PREX2: variants seen among roughly 807,000 people sequenced by gnomAD.
PREX2 encodes the protein phosphatidylinositol-3,4,5-trisphosphate dependent Rac exchange factor 2, also known as phosphatidylinositol 3,4,5-trisphosphate-dependent Rac exchanger 2 protein.
In PREX2, 107 loss-of-function variants were observed where a neutral mutation model predicts 203.2. The ratio of observed to expected loss-of-function variants is 0.53; its 90% CI spans 0.45 to 0.62. The LOEUF (loss-of-function observed/expected upper bound fraction) is 0.62. PREX2 is among the 20% of genes least tolerant of loss of function. The probability of loss-of-function intolerance (pLI) is 0.00; values close to 1 mark genes in which losing one functional copy is unlikely to be tolerated. For synonymous variants in PREX2, 672 were observed against 663.6 expected (o/e 1.01, Z -0.19); for missense variants, 1,777 against 1,955.9 (o/e 0.91, Z 1.72).
chr8:68,111,157 G>T, intron 25 of PREX2: 1 of 201,882 alleles, frequency 5.0e-6, no homozygotes, highest in South Asian at 7.1e-5. Flanking sequence ...TATTAATAAG[G>T]CAATAAATAG....
chr8:67,988,031 A>G (rs1806487400), intron 1 of PREX2, among the ~76,000 whole-genome samples: 1 of 152,188 alleles, frequency 6.6e-6, no homozygotes, highest in Non-Finnish European at 1.5e-5. Context: ...AACCCGTTTC[A>G]TTTTTGTTCC....
intron 8 of PREX2, among the ~76,000 whole-genome samples, chr8:68,051,968 A>G (rs962025386): frequency 6.6e-6 from 1 of 152,160 alleles, no homozygotes; most frequent in Non-Finnish European, 1.5e-5. Flanking sequence ...TATTAGTCTG[A>G]CCTCATATAA....
intron 21 of PREX2, among the ~76,000 whole-genome samples, chr8:68,096,442 A>G (rs1563543140): frequency 1.3e-5 from 2 of 152,162 alleles, no homozygotes; most frequent in East Asian, 3.9e-4. Flanking sequence ...GACGTACCAT[A>G]TGTAGGCTAA....
intron 33 of PREX2, among the ~76,000 whole-genome samples, chr8:68,143,221 T>C (rs898862397): frequency 1.3e-5 from 2 of 152,008 alleles, no homozygotes; most frequent in Non-Finnish European, 2.9e-5. Context: ...GTGGAGGTGA[T>C]TGGATCATGG....
intron 35 of PREX2, among the ~76,000 whole-genome samples, chr8:68,175,696 A>G (rs189867160): frequency 6.6e-6 from 1 of 152,256 alleles, no homozygotes; most frequent in Admixed American, 6.5e-5. Flanking sequence ...TCCTCATGCA[A>G]TATTTCACAT....
rs142017900 is a variant in PREX2 at position 67,973,516 on chromosome 8, T to C, written c.141+20981T>C. ...CTTGAATATCTTTTCTTCTTTCTTC[T>C]TGAATATCCATACTCAGGATCCAAT... On this transcript the variant is annotated intron_variant, in intron 1 of 39. Coordinates refer to ENST00000288368, the MANE Select transcript of PREX2 (RefSeq NM_024870.4). 1.6e-4 allele frequency among the ~76,000 whole-genome samples: 24 copies of C among 152,328 alleles called. No individual in the cohort carries two copies. In the East Asian group the frequency reaches 4.2e-3, roughly 27 times the overall value.
At chr8:68,202,400 ACT>A (rs1281724215) in intron 37 of PREX2, among the ~76,000 whole-genome samples, 1 of 151,904 alleles carries the variant, frequency 6.6e-6, no homozygotes, top group Non-Finnish European at 1.5e-5. Context: ...AGGATTTGTG[ACT>A]CTCTCCTGGA....
chr8:68,000,236 A>T (rs1000295249), intron 1 of PREX2, among the ~76,000 whole-genome samples: 1 of 152,230 alleles, frequency 6.6e-6, no homozygotes, highest in African/African-American at 2.4e-5. Flanking sequence ...GCGGATAAAC[A>T]ATTTTAGCAA....
chr8:68,198,224 A>G (rs1812437583), intron 37 of PREX2, among the ~76,000 whole-genome samples: 1 of 152,190 alleles, frequency 6.6e-6, no homozygotes, highest in South Asian at 2.1e-4. Flanking sequence ...TAGGTTTACA[A>G]TTATATTTCC....
At chr8:67,988,288 G>A (rs373742898) in intron 1 of PREX2, among the ~76,000 whole-genome samples, 172 of 152,300 alleles carry the variant, frequency 1.1e-3, no homozygotes, top group African/African-American at 3.5e-3. Flanking sequence ...TGCACACCAC[G>A]GCTGAAGCTC....
intron 35 of PREX2, among the ~76,000 whole-genome samples, chr8:68,166,961 T>G (rs917398774): frequency 6.6e-6 from 1 of 152,122 alleles, no homozygotes; most frequent in African/African-American, 2.4e-5. Context: ...AGTTAAAAAT[T>G]TATTCTTGCG....
At chr8:67,962,324 C>G (rs1048385666) in intron 1 of PREX2, among the ~76,000 whole-genome samples, 1 of 151,912 alleles carries the variant, frequency 6.6e-6, no homozygotes, top group African/African-American at 2.4e-5. Context: ...ACTGTTGCCC[C>G]AAAGAAAGAA....
chr8:68,127,342 G>A, intron 30 of PREX2, 36 bp from the exon 31 acceptor site: 1 of 1,521,452 alleles, frequency 6.6e-7, no homozygotes, highest in Non-Finnish European at 9.1e-7. Context: ...GACAGAAAGA[G>A]TGAACAATTA....
intron 1 of PREX2, among the ~76,000 whole-genome samples, chr8:67,982,359 C>T (rs1472606777): frequency 1.3e-5 from 2 of 152,062 alleles, no homozygotes; most frequent in Non-Finnish European, 2.9e-5. Flanking sequence ...GAGGTTGAGA[C>T]TGCAGTGAGC....
intron 1 of PREX2, among the ~76,000 whole-genome samples, chr8:67,958,899 A>G (rs1257026523): frequency 6.6e-6 from 1 of 152,192 alleles, no homozygotes; most frequent in African/African-American, 2.4e-5. Flanking sequence ...TTGCTTTTGG[A>G]CATGTTGAGC....
At chr8:68,219,072 G>A (rs546548016) in intron 38 of PREX2, among the ~76,000 whole-genome samples, 1 of 152,282 alleles carries the variant, frequency 6.6e-6, no homozygotes, top group African/African-American at 2.4e-5. Flanking sequence ...TTGCCTTTCT[G>A]TTTGATTATG....
chr8:67,965,333 G>C (rs1159673514), intron 1 of PREX2, among the ~76,000 whole-genome samples: 2 of 152,032 alleles, frequency 1.3e-5, no homozygotes, highest in African/African-American at 4.8e-5. Context: ...GATCATTTTG[G>C]ATCTCTGTGT....
intron 38 of PREX2, among the ~76,000 whole-genome samples, chr8:68,220,811 G>A (rs1375579857): frequency 2.0e-5 from 3 of 152,176 alleles, no homozygotes; most frequent in Non-Finnish European, 2.9e-5. Flanking sequence ...GATAGCTGGC[G>A]AAGGGCTTCA....
chr8:68,221,615 G>A (rs1482669705), intron 38 of PREX2, among the ~76,000 whole-genome samples: 2 of 152,162 alleles, frequency 1.3e-5, no homozygotes, highest in African/African-American at 4.8e-5. Flanking sequence ...GGCAGGAAGA[G>A]TATTTAAGTA....
Sources: gnomAD v4.1 joint callset for allele counts (sites outside exome capture counted in the v4.1 genomes callset) on GRCh38, gnomAD v4.1.1 for gene constraint, MANE v1.5 for transcripts, NCBI Gene and HGNC (gene_info 2026-07-23, HGNC 2026-07-21) for gene names.